The following DNAH6 variants were observed in gnomAD, a reference collection of about 807,000 sequenced individuals.
DNAH6 encodes axonemal beta dynein heavy chain 6.
A neutral mutation model predicts 491.4 loss-of-function variants in DNAH6; 340 were observed. That is an observed-to-expected ratio of 0.69 (90% CI 0.63 to 0.76). The LOEUF is 0.76. Ranked by LOEUF, DNAH6 falls within the 30% of genes least tolerant of loss-of-function variation. DNAH6 has a pLI of 0.00. For synonymous variants in DNAH6, 1,603 were observed against 1,686.1 expected (o/e 0.95, Z 1.21); for missense variants, 4,443 against 4,972.2 (o/e 0.89, Z 3.20).
Position 84,518,688 on chromosome 2 carries a change from ATT to A in DNAH6, c.225+638_225+639del, listed in dbSNP as rs201031399. On this transcript the variant is annotated intron_variant, in intron 2 of 76. Coordinates refer to ENST00000389394, the MANE Select transcript of DNAH6 (RefSeq NM_001370.2). ...TCACCAATGCCATCTACTCATGTATATTAAAAGTTTGTTATGTGCGTACTCTG... is the reference window on the plus strand; with the variant it reads ...TCACCAATGCCATCTACTCATGTATAAAAAGTTTGTTATGTGCGTACTCTG... 8.0e-3 allele frequency among the ~76,000 whole-genome samples: 1,213 copies of A among 152,330 alleles called. 8 individuals are homozygous for A. The highest frequency in any genetic ancestry group is 0.013 in the Non-Finnish European group (908 of 68,034).
rs373380346 is a variant in DNAH6 at position 84,753,827 on chromosome 2, A to ATTTT, written c.10512+8591_10512+8594dup. ...TAGATCTTTGATACATTTTGAGTTA[A>ATTTT]TTTTTTTTTTTTTTTTGAGACATAG... On this transcript the variant is annotated intron_variant, in intron 63 of 76. Transcript: ENST00000389394. Among the ~76,000 whole-genome samples the ATTTT allele has an allele frequency of 4.9e-3, 649 of 131,116 alleles. 3 individuals carry two copies. Among genetic ancestry groups the ATTTT allele is most frequent in the African/African-American group, 0.017 (598 of 34,624 alleles). 86.0% of individuals were successfully genotyped at this position (131,116 alleles called of 152,430 possible).
rs991590004 is a variant in DNAH6 at position 84,712,950 on chromosome 2, G to T, written c.9379-145G>T. 4 of 691,766 alleles carry T rather than the reference G, an allele frequency of 5.8e-6. No homozygotes were observed. The Admixed American group carries it at 8.8e-5, about 15-fold the overall frequency. The allele number at this position is 691,766 out of a possible 1,614,324, so 42.9% of individuals were successfully genotyped here. A position where few individuals can be genotyped will look rare whatever the true frequency, so the allele number is the denominator to read the frequency against. ...GAAAATAGGTACTGTTAGAGGTAGT[G>T]TGAGGATGTTAATAAATATCCATCA... On this transcript the variant is annotated intron_variant, in intron 56 of 76. Coordinates refer to ENST00000389394, the MANE Select transcript of DNAH6 (RefSeq NM_001370.2).
chr2:84,743,336 G>A (rs1178510415), intron 62 of DNAH6, among the ~76,000 whole-genome samples: 1 of 152,186 alleles, frequency 6.6e-6, no homozygotes, highest in Non-Finnish European at 1.5e-5. Flanking sequence ...GTTTGTTCCA[G>A]AAATGCTACA....
intron 18 of DNAH6, among the ~76,000 whole-genome samples, chr2:84,596,870 C>T (rs970625910): frequency 1.3e-5 from 2 of 152,042 alleles, no homozygotes; most frequent in African/African-American, 4.8e-5. Flanking sequence ...TAATTGTAAA[C>T]AAATTTATTT....
At chr2:84,470,858 C>G in the DNAH6 span, among the ~76,000 whole-genome samples, 1 of 152,102 alleles carries the variant, frequency 6.6e-6, no homozygotes, top group Non-Finnish European at 1.5e-5. Context: ...AAAGTGGGAC[C>G]AGGGGGCCAT....
intron 2 of DNAH6, among the ~76,000 whole-genome samples, chr2:84,525,250 A>G (rs1370698829): frequency 6.6e-6 from 1 of 152,056 alleles, no homozygotes; most frequent in Non-Finnish European, 1.5e-5. Flanking sequence ...TTAGTAAATG[A>G]TGGGGGTTTG....
chr2:84,722,708 TCCAGTGG>T lies in DNAH6; in HGVS notation c.9880_9886del (p.Val3294LeufsTer5). On this transcript the variant is annotated frameshift_variant, in exon 60 of 77. Coordinates refer to ENST00000389394, the MANE Select transcript of DNAH6 (RefSeq NM_001370.2). LOFTEE classifies it high-confidence loss of function. The stretch of plus-strand genomic sequence containing the variant: ...TCAATGTGGCTCGTGAGAAGTATCG[TCCAGTGG>T]CCACTCAAGGCTCTGTAATGTACTT... The T allele has an allele frequency of 6.5e-7, 1 of 1,549,374 alleles. No homozygotes were observed. The highest frequency in any genetic ancestry group is 1.7e-4 in the Middle Eastern group (1 of 5,980).
At chr2:84,610,305 T>A (rs1686201687) in intron 21 of DNAH6, among the ~76,000 whole-genome samples, 1 of 152,054 alleles carries the variant, frequency 6.6e-6, no homozygotes, top group African/African-American at 2.4e-5. Flanking sequence ...ACTATTACAG[T>A]CTTATATAAC....
At chr2:84,536,336 A>G (rs1677688756) in intron 4 of DNAH6, among the ~76,000 whole-genome samples, 2 of 152,066 alleles carry the variant, frequency 1.3e-5, no homozygotes. Flanking sequence ...TAACTGAAAA[A>G]TTACGGCAGC....
chr2:84,607,254 G>C (rs2104306261), intron 21 of DNAH6, among the ~76,000 whole-genome samples, 159 bp downstream of exon 21: 1 of 152,234 alleles, frequency 6.6e-6, no homozygotes, highest in Admixed American at 6.5e-5. Context: ...AAATGCACAG[G>C]TATTAAGCTC....
intron 68 of DNAH6, among the ~76,000 whole-genome samples, chr2:84,790,520 A>G (rs921775281): frequency 2.6e-5 from 4 of 152,236 alleles, no homozygotes; most frequent in Admixed American, 2.0e-4. Flanking sequence ...GTATATAAAG[A>G]CCTCTTACAA....
chr2:84,627,244 A>G (rs1687967634), intron 29 of DNAH6, among the ~76,000 whole-genome samples: 1 of 152,224 alleles, frequency 6.6e-6, no homozygotes, highest in South Asian at 2.1e-4. Flanking sequence ...CTCAGATTTC[A>G]GGACCACTGT....
intron 72 of DNAH6, among the ~76,000 whole-genome samples, chr2:84,811,638 A>C (rs1393228533): frequency 6.6e-6 from 1 of 152,174 alleles, no homozygotes; most frequent in Non-Finnish European, 1.5e-5. Flanking sequence ...AGGTGGGCAG[A>C]TCTCCTAAGG....
upstream of DNAH6, among the ~76,000 whole-genome samples, chr2:84,513,008 T>C (rs1675394164): frequency 6.6e-6 from 1 of 152,164 alleles, no homozygotes; most frequent in Non-Finnish European, 1.5e-5. Flanking sequence ...TTTGACATTT[T>C]GTATTTGTTT....
At chr2:84,483,619 T>C in the DNAH6 span, among the ~76,000 whole-genome samples, 4 of 152,108 alleles carry the variant, frequency 2.6e-5, no homozygotes, top group African/African-American at 4.8e-5. Context: ...TATAATCACC[T>C]AGAATAAGTA....
chr2:84,665,744 A>G (rs1226347383), intron 37 of DNAH6, among the ~76,000 whole-genome samples: 4 of 152,188 alleles, frequency 2.6e-5, no homozygotes, highest in Non-Finnish European at 5.9e-5. Context: ...TCCCTAACTC[A>G]TTTTATAAAG....
chr2:84,545,371 T>C (rs1678675895), intron 5 of DNAH6, among the ~76,000 whole-genome samples: 1 of 152,206 alleles, frequency 6.6e-6, no homozygotes, highest in African/African-American at 2.4e-5. Flanking sequence ...CCAGTCCTTC[T>C]TGACATGAAA....
intron 49 of DNAH6, 31 bp from the exon 50 acceptor site, chr2:84,703,364 C>T (rs774213856): frequency 2.1e-4 from 308 of 1,454,320 alleles, no homozygotes; most frequent in Non-Finnish European, 2.7e-4. Context: ...TTATAATGCT[C>T]ATTATAATAT....
At chr2:84,644,873 G>C (rs1003034402) in intron 33 of DNAH6, among the ~76,000 whole-genome samples, 5 of 152,064 alleles carry the variant, frequency 3.3e-5, no homozygotes, top group African/African-American at 1.2e-4. Flanking sequence ...ACACGTCTTT[G>C]CTATTTTGAA....
Sources: allele counts gnomAD v4.1 joint callset (sites outside exome capture counted in the v4.1 genomes callset), GRCh38; gene constraint gnomAD v4.1.1; transcripts MANE v1.5; gene names NCBI Gene and HGNC (gene_info 2026-07-23, HGNC 2026-07-21).